Variants in CCDC102B observed in about 807,000 individuals in gnomAD.
The protein encoded by CCDC102B is coiled-coil domain containing 102B.
A neutral mutation model predicts 57.4 loss-of-function variants in CCDC102B; 75 were observed. That is an observed-to-expected ratio of 1.31 (90% confidence interval 1.08 to 1.58). CCDC102B has a LOEUF of 1.58. CCDC102B is among the 40% of genes most tolerant of loss of function. The probability of loss-of-function intolerance (pLI) is 0.00; values close to 1 mark genes in which losing one functional copy is unlikely to be tolerated. For missense variants in CCDC102B, 636 were observed against 582.6 expected (o/e 1.09, Z -0.94); for synonymous variants, 206 against 201.9 (o/e 1.02, Z -0.17).
At chr18:68,986,726 A>T (rs1191255603) in intron 6 of CCDC102B, among the ~76,000 whole-genome samples, 1 of 152,094 alleles carries the variant, frequency 6.6e-6, no homozygotes, top group African/African-American at 2.4e-5. Flanking sequence ...AAAAAACTTC[A>T]AGTTTCAGGA....
intron 4 of CCDC102B, among the ~76,000 whole-genome samples, chr18:68,853,583 T>C (rs1014699192): frequency 1.3e-5 from 2 of 151,108 alleles, no homozygotes; most frequent in Non-Finnish European, 1.5e-5. Flanking sequence ...GATTTTTTAA[T>C]GGTATTTGTG....
intron 2 of CCDC102B, among the ~76,000 whole-genome samples, chr18:68,745,627 A>G (rs2033589304): frequency 6.6e-6 from 1 of 152,138 alleles, no homozygotes; most frequent in Non-Finnish European, 1.5e-5. Context: ...TTTGAAATAT[A>G]CTAGAAATTC....
chr18:68,910,868 A>T (rs7236389), intron 6 of CCDC102B, among the ~76,000 whole-genome samples: 90,269 of 151,156 alleles, frequency 0.6, 27,652 homozygotes, highest in East Asian at 0.9. Flanking sequence ...GGCTTCAGAG[A>T]TTGAAGATGA....
At chr18:68,988,566 C>A (rs76936162) in intron 6 of CCDC102B, among the ~76,000 whole-genome samples, 8,374 of 135,488 alleles carry the variant, frequency 0.062, 421 homozygotes, top group African/African-American at 0.15. Context: ...CAAAAAAAAA[C>A]AAAAAAAAAG....
chr18:68,920,136 G>A (rs1599692343), intron 6 of CCDC102B, among the ~76,000 whole-genome samples: 2 of 151,860 alleles, frequency 1.3e-5, no homozygotes, highest in African/African-American at 4.8e-5. Context: ...CCTTCGACAG[G>A]CCCCAGTGTG....
Position 68,916,498 on chromosome 18 carries a change from C to G in CCDC102B, c.1263+19070C>G, listed in dbSNP as rs1470807143. ...CCAAATCCAGATCTCTTTTTTCCAGCATCTAAATCTAATCTGCAGCTCTAG... is the reference window on the plus strand; with the variant it reads ...CCAAATCCAGATCTCTTTTTTCCAGGATCTAAATCTAATCTGCAGCTCTAG... On this transcript the variant is annotated intron_variant, in intron 6 of 7. Coordinates refer to ENST00000360242, the MANE Select transcript of CCDC102B (RefSeq NM_024781.3). 9.9e-5 allele frequency among the ~76,000 whole-genome samples: 15 copies of G among 152,166 alleles called. 1 individual carries two copies. Among genetic ancestry groups the G allele is most frequent in the Admixed American group, 9.8e-4 (15 of 15,280 alleles).
chr18:68,738,998 G>GTT (rs1208183457), intron 2 of CCDC102B, among the ~76,000 whole-genome samples: 4 of 137,014 alleles, frequency 2.9e-5, no homozygotes, highest in Non-Finnish European at 3.1e-5. Flanking sequence ...GCAGCCTTTT[G>GTT]TTTTTTTTTT....
intron 5 of CCDC102B, 23 bp downstream of exon 5, chr18:68,874,808 C>G (rs186842747): frequency 7.5e-7 from 1 of 1,341,374 alleles, no homozygotes; most frequent in East Asian, 2.3e-5. Flanking sequence ...GTAAAGAGTA[C>G]CATATATATT....
chr18:68,867,802 C>T (rs1361488099), intron 4 of CCDC102B, among the ~76,000 whole-genome samples: 1 of 116,486 alleles, frequency 8.6e-6, no homozygotes, highest in Non-Finnish European at 1.8e-5. Context: ...GGAGTGGTGG[C>T]GGGCGCCTGT....
Position 68,881,822 on chromosome 18 carries a change from G to A in CCDC102B, c.1053+7037G>A, listed in dbSNP as rs536863270. On this transcript the variant is annotated intron_variant, in intron 5 of 7. Transcript: ENST00000360242. The stretch of plus-strand genomic sequence containing the variant: ...GTCTCTCTCTGTCATTAAACCTCAC[G>A]CCCTTGACCACTATGTGATACTGCT... 2.1e-3 allele frequency among the ~76,000 whole-genome samples: 324 copies of A among 151,820 alleles called. 2 individuals carry two copies. Among genetic ancestry groups the A allele is most frequent in the Admixed American group, 1.6e-3 (25 of 15,238 alleles).
intron 1 of CCDC102B, among the ~76,000 whole-genome samples, chr18:68,835,042 G>C (rs1337388495): frequency 6.6e-6 from 1 of 152,062 alleles, no homozygotes; most frequent in African/African-American, 2.4e-5. Flanking sequence ...ATACAGCCAT[G>C]GAACTTTATT....
intron 1 of CCDC102B, among the ~76,000 whole-genome samples, chr18:68,827,190 C>A (rs1183179621): frequency 2.6e-5 from 4 of 151,886 alleles, no homozygotes. Flanking sequence ...ATTCTATAAA[C>A]AGAAACAAAA....
At chr18:68,920,312 C>CA (rs1357303807) in intron 6 of CCDC102B, among the ~76,000 whole-genome samples, 1 of 152,074 alleles carries the variant, frequency 6.6e-6, no homozygotes, top group Non-Finnish European at 1.5e-5. Context: ...AGTACTGATA[C>CA]AAAAACAGAC....
At chr18:68,838,283 C>A (rs918381830) in intron 2 of CCDC102B, 5 of 477,148 alleles carry the variant, frequency 1.0e-5, no homozygotes, top group Non-Finnish European at 1.4e-5. Flanking sequence ...AAATATTCAA[C>A]AGCTTCCTGA....
chr18:68,857,256 T>TTATGTATTATATAA (rs1207346944), intron 4 of CCDC102B, among the ~76,000 whole-genome samples: 1 of 55,260 alleles, frequency 1.8e-5, no homozygotes, highest in Non-Finnish European at 3.6e-5. Flanking sequence ...ATTTATTATT[T>TTATGTATTATATAA]AAATATATAA....
chr18:68,956,561 TATTATATATTTTATATATATAA>T (rs1404738354), intron 6 of CCDC102B, among the ~76,000 whole-genome samples: 28 of 6,214 alleles, frequency 4.5e-3, no homozygotes, highest in Admixed American at 9.9e-3. Flanking sequence ...ATATTATATA[TATTATATATTTTATATATATAA>T]ATATTATATA....
intron 6 of CCDC102B, among the ~76,000 whole-genome samples, chr18:68,959,136 G>GT (rs2049983337): frequency 6.6e-6 from 1 of 151,994 alleles, no homozygotes; most frequent in South Asian, 2.1e-4. Flanking sequence ...TGTACCCATC[G>GT]TTTTTGGGAA....
chr18:69,013,348 G>A (rs762965609), intron 7 of CCDC102B, among the ~76,000 whole-genome samples: 1 of 151,996 alleles, frequency 6.6e-6, no homozygotes, highest in Non-Finnish European at 1.5e-5. Flanking sequence ...TGGAGATAGT[G>A]GAATGACAGA....
At chr18:68,902,030 G>A (rs1446572362) in intron 6 of CCDC102B, among the ~76,000 whole-genome samples, 1 of 152,164 alleles carries the variant, frequency 6.6e-6, no homozygotes. Flanking sequence ...TGATTCTGCT[G>A]GTCCACAGAC....
Sources: allele counts gnomAD v4.1 joint callset (sites outside exome capture counted in the v4.1 genomes callset), GRCh38; gene constraint gnomAD v4.1.1; transcripts MANE v1.5; gene names NCBI Gene and HGNC (gene_info 2026-07-23, HGNC 2026-07-21).